Variants in GLIS1 observed in about 807,000 individuals in gnomAD.
GLIS1 encodes zinc finger protein GLIS1.
In GLIS1, 24 loss-of-function variants were observed where a neutral mutation model predicts 63.8. That is an observed-to-expected ratio of 0.38 (90% CI 0.27 to 0.53). The LOEUF (loss-of-function observed/expected upper bound fraction) is 0.53, where lower values mean the gene tolerates loss of function less well. GLIS1 is among the 20% of genes least tolerant of loss of function. GLIS1 has a pLI of 0.85. For synonymous variants in GLIS1, 450 were observed against 482.5 expected (o/e 0.93, Z 0.88); for missense variants, 1,036 against 1,074.1 (o/e 0.96, Z 0.50).
intron 2 of GLIS1, among the ~76,000 whole-genome samples, chr1:53,662,498 C>T (rs1251069184): frequency 1.3e-5 from 2 of 152,146 alleles, no homozygotes; most frequent in Non-Finnish European, 2.9e-5. Context: ...GAGGGCTGTT[C>T]TCCCATCTCC....
intron 2 of GLIS1, among the ~76,000 whole-genome samples, chr1:53,674,846 G>A (rs969519728): frequency 6.6e-6 from 1 of 152,200 alleles, no homozygotes; most frequent in Non-Finnish European, 1.5e-5. Context: ...AAAGGAAACT[G>A]AGGCTGAGAG....
intron 4 of GLIS1, among the ~76,000 whole-genome samples, chr1:53,581,831 G>A (rs1299099978): frequency 2.0e-5 from 3 of 152,008 alleles, no homozygotes; most frequent in African/African-American, 4.8e-5. Flanking sequence ...GCTCAGGAGG[G>A]GCCCACACCT....
chr1:53,662,303 G>A (rs1039640785), intron 2 of GLIS1, among the ~76,000 whole-genome samples: 7 of 152,160 alleles, frequency 4.6e-5, no homozygotes, highest in African/African-American at 1.7e-4. Flanking sequence ...TTCGAAACAG[G>A]CTTTCTGAAG....
Position 53,574,571 on chromosome 1 carries a change from C to T in GLIS1, c.1320+19537G>A, listed in dbSNP as rs573388453. Among the ~76,000 whole-genome samples the T allele has an allele frequency of 2.5e-4, 38 of 152,212 alleles. No homozygotes were observed. The highest frequency in any genetic ancestry group is 1.0e-3 in the South Asian group (5 of 4,828). On this transcript the variant is annotated intron_variant, in intron 4 of 10. Coordinates refer to ENST00000628545, the MANE Select transcript of GLIS1 (RefSeq NM_001367484.1). The surrounding 1 kb of genome is among the most constrained non-coding windows in gnomAD (Gnocchi z 4.2). Reference sequence around the variant, plus strand: ...TCAGAAAGGTAAAGTGACTTTCCCCCGGTCACACAGCACAGCAAGCCCTGG... The same window carrying T: ...TCAGAAAGGTAAAGTGACTTTCCCCTGGTCACACAGCACAGCAAGCCCTGG...
intron 2 of GLIS1, among the ~76,000 whole-genome samples, chr1:53,663,002 C>A (rs1646045900): frequency 6.6e-6 from 1 of 152,206 alleles, no homozygotes; most frequent in Non-Finnish European, 1.5e-5. Context: ...CTCATAGATT[C>A]ACTGGCAATC....
At chr1:53,738,427 G>C (rs1199665078) in intron 1 of GLIS1, among the ~76,000 whole-genome samples, 1 of 152,166 alleles carries the variant, frequency 6.6e-6, no homozygotes, top group African/African-American at 2.4e-5. Context: ...CTGAGGCCTG[G>C]AGCGGGTAAG....
chr1:53,507,390 A>G (rs949967882), intron 10 of GLIS1, among the ~76,000 whole-genome samples: 3 of 152,188 alleles, frequency 2.0e-5, no homozygotes, highest in Non-Finnish European at 4.4e-5. Flanking sequence ...GATTGAACCC[A>G]GGTCCATCTG....
intron 2 of GLIS1, among the ~76,000 whole-genome samples, chr1:53,627,541 G>A (rs886552313): frequency 3.9e-5 from 6 of 152,230 alleles, no homozygotes; most frequent in Non-Finnish European, 8.8e-5. Flanking sequence ...GGTAGAGGGG[G>A]CTGCCAGAAG....
In GLIS1 at chr1:53,598,210, A is replaced by G. The variant is rs1487319986; in HGVS notation, c.437+1891T>C. On this transcript the variant is annotated intron_variant, in intron 3 of 10. Transcript: ENST00000628545. The surrounding 1 kb of genome is among the most constrained non-coding windows in gnomAD (Gnocchi z 4.6). Reference sequence around the variant, plus strand: ...TAAATAATTAAGGCTAAACAAGGTTATAAGGTTGAGGGCCTACTCTGATAG... The same window carrying G: ...TAAATAATTAAGGCTAAACAAGGTTGTAAGGTTGAGGGCCTACTCTGATAG... Among the ~76,000 whole-genome samples the G allele has an allele frequency of 6.6e-6, 1 of 152,228 alleles. No individual in the cohort carries two copies. Among genetic ancestry groups the G allele is most frequent in the Non-Finnish European group, 1.5e-5 (1 of 68,048 alleles).
chr1:53,573,657 C>A lies in GLIS1; in HGVS notation c.1320+20451G>T, dbSNP rs115470499. Among the ~76,000 whole-genome samples the A allele has an allele frequency of 2.9e-3, 442 of 152,328 alleles. 1 individual carries two copies. Among genetic ancestry groups the A allele is most frequent in the African/African-American group, 9.6e-3 (399 of 41,574 alleles). On this transcript the variant is annotated intron_variant, in intron 4 of 10. Transcript: ENST00000628545. ...TGCCACACAAGCACATGCACATGTA[C>A]ACGCACACACACATGCACAGTTAGA... is the stretch of plus-strand genomic sequence containing the variant.
At chr1:53,531,220 A>C (rs995876083) in intron 4 of GLIS1, among the ~76,000 whole-genome samples, 2 of 152,180 alleles carry the variant, frequency 1.3e-5, no homozygotes, top group African/African-American at 4.8e-5. Context: ...TTCATCCTCC[A>C]TGTCCAGGGC....
chr1:53,701,850 G>A (rs561663427), intron 2 of GLIS1, among the ~76,000 whole-genome samples: 4 of 151,938 alleles, frequency 2.6e-5, no homozygotes, highest in Admixed American at 6.6e-5. Flanking sequence ...AAAATTAGCC[G>A]GGCGTGGTGG....
intron 2 of GLIS1, among the ~76,000 whole-genome samples, chr1:53,701,965 C>G (rs1307103712): frequency 6.8e-6 from 1 of 147,118 alleles, no homozygotes; most frequent in African/African-American, 2.6e-5. Context: ...TGCACTCTAG[C>G]CTGGGTGACA....
intron 2 of GLIS1, among the ~76,000 whole-genome samples, chr1:53,629,009 C>T (rs1377645544): frequency 6.6e-6 from 1 of 152,096 alleles, no homozygotes; most frequent in African/African-American, 2.4e-5. Flanking sequence ...TAGATCAAAT[C>T]GAATCTCACC....
intron 10 of GLIS1, among the ~76,000 whole-genome samples, chr1:53,508,685 AG>A (rs1557937545): frequency 6.6e-6 from 1 of 152,298 alleles, no homozygotes; most frequent in East Asian, 1.9e-4. Context: ...TAAGTGGGGA[AG>A]GAACAGCATG....
intron 4 of GLIS1, among the ~76,000 whole-genome samples, chr1:53,537,508 C>T (rs561788276): frequency 2.0e-5 from 3 of 152,208 alleles, no homozygotes; most frequent in Non-Finnish European, 4.4e-5. Flanking sequence ...GATCCACCAC[C>T]GGGAGCCTGA....
intron 2 of GLIS1, among the ~76,000 whole-genome samples, chr1:53,662,234 G>A (rs577623332): frequency 1.3e-5 from 2 of 152,276 alleles, no homozygotes; most frequent in South Asian, 2.1e-4. Flanking sequence ...GCCGTGTGAG[G>A]AGCCACAGCG....
At chr1:53,603,572 C>T (rs1488387131) in intron 2 of GLIS1, among the ~76,000 whole-genome samples, 2 of 152,232 alleles carry the variant, frequency 1.3e-5, no homozygotes, top group East Asian at 3.8e-4. Context: ...TGTTGTCTTG[C>T]CTCCCTGTCC....
At chr1:53,664,180 C>A (rs1230191112) in intron 2 of GLIS1, among the ~76,000 whole-genome samples, 2 of 152,164 alleles carry the variant, frequency 1.3e-5, no homozygotes, top group Non-Finnish European at 2.9e-5. Context: ...TGCCCCCACC[C>A]CAAACCCCAC....
Sources: allele counts gnomAD v4.1 joint callset (sites outside exome capture counted in the v4.1 genomes callset), GRCh38; gene constraint gnomAD v4.1.1; non-coding constraint Gnocchi (gnomAD v3.1); transcripts MANE v1.5; gene names NCBI Gene and HGNC (gene_info 2026-07-23, HGNC 2026-07-21).